ST6GAL1: variants seen among roughly 807,000 people sequenced by gnomAD.
ST6GAL1 encodes beta-galactoside alpha-2,6-sialyltransferase 1.
A neutral mutation model predicts 38.0 loss-of-function variants in ST6GAL1; 20 were observed. The observed-to-expected ratio is 0.53, with a 90% CI of 0.37 to 0.77. The LOEUF (loss-of-function observed/expected upper bound fraction) is 0.77. Ranked by LOEUF, ST6GAL1 falls within the 30% of genes least tolerant of loss-of-function variation. The pLI is 0.00. For missense variants in ST6GAL1, 432 were observed against 496.4 expected (o/e 0.87, Z 1.23); for synonymous variants, 196 against 188.2 (o/e 1.04, Z -0.34).
At chr3:187,009,247 T>G (rs1030527443) in intron 2 of ST6GAL1, among the ~76,000 whole-genome samples, 1 of 152,148 alleles carries the variant, frequency 6.6e-6, no homozygotes, top group East Asian at 1.9e-4. Context: ...ACTTTTAAGT[T>G]TTTAAATTAT....
intron 2 of ST6GAL1, among the ~76,000 whole-genome samples, chr3:187,019,754 G>T (rs1460310527): frequency 6.6e-6 from 1 of 152,232 alleles, no homozygotes; most frequent in African/African-American, 2.4e-5. Flanking sequence ...CCCTCTGGGG[G>T]CAACAGGGTG....
intron 1 of ST6GAL1, among the ~76,000 whole-genome samples, chr3:186,963,458 A>G (rs1338581058): frequency 6.6e-6 from 1 of 152,294 alleles, no homozygotes; most frequent in South Asian, 2.1e-4. Context: ...ATTGAAATCC[A>G]TTGTCCGCAG....
intron 2 of ST6GAL1, among the ~76,000 whole-genome samples, chr3:186,999,838 C>A (rs1485336261): frequency 6.7e-6 from 1 of 148,180 alleles, no homozygotes; most frequent in Non-Finnish European, 1.5e-5. Flanking sequence ...AGTAAAGATA[C>A]ACTTTTATTT....
intron 2 of ST6GAL1, among the ~76,000 whole-genome samples, chr3:187,038,140 G>A (rs371135898): frequency 6.0e-5 from 9 of 150,902 alleles, no homozygotes; most frequent in African/African-American, 2.2e-4. Context: ...TCCCAGGTTG[G>A]TCCATGGTGG....
At chr3:186,939,241 TTTTA>T (rs1234295576) in intron 1 of ST6GAL1, among the ~76,000 whole-genome samples, 1 of 151,746 alleles carries the variant, frequency 6.6e-6, no homozygotes, top group Non-Finnish European at 1.5e-5. Context: ...ACCCAGTTAA[TTTTA>T]TTTATTTTTT....
At chr3:186,990,727 C>T (rs1039344047) in intron 2 of ST6GAL1, among the ~76,000 whole-genome samples, 6 of 149,910 alleles carry the variant, frequency 4.0e-5, no homozygotes, top group South Asian at 4.2e-4. Flanking sequence ...GCAGGAGAAT[C>T]GCTTGAACCC....
intron 2 of ST6GAL1, among the ~76,000 whole-genome samples, chr3:186,994,304 T>C (rs1457206519): frequency 2.0e-5 from 3 of 152,208 alleles, no homozygotes; most frequent in Non-Finnish European, 2.9e-5. Flanking sequence ...AGCTTGTTGG[T>C]CCAGGTGTGA....
At position 187,074,291 on chromosome 3, in the gene ST6GAL1, C is replaced by T. The variant is rs147654981; in HGVS notation, c.937C>T (p.Pro313Ser). Residue 313 changes from proline (P) to serine (S), a missense_variant, in exon 7 of 8, where the codon CCA becomes TCA. Physicochemically the swap from Pro to Ser is moderately conservative, Grantham distance 74 (BLOSUM62 -1). Transcript: ENST00000169298. ...ELWDILQEISPEEIQPNPPSS... is the reference protein window; with the variant it reads ...ELWDILQEISSEEIQPNPPSS... Reference sequence around the variant, plus strand: ...ATGGGACATTCTTCAAGAAATCTCCCCAGAAGAGATTCAGCCAAACCCCCC... The same window carrying T: ...ATGGGACATTCTTCAAGAAATCTCCTCAGAAGAGATTCAGCCAAACCCCCC... The T allele has an allele frequency of 1.6e-5, 26 of 1,605,794 alleles. No homozygotes were observed. The highest frequency in any genetic ancestry group is 2.1e-5 in the Non-Finnish European group (25 of 1,176,386).
intron 2 of ST6GAL1, among the ~76,000 whole-genome samples, chr3:186,969,710 G>A (rs1005062187): frequency 2.6e-5 from 4 of 152,190 alleles, no homozygotes; most frequent in South Asian, 2.1e-4. Flanking sequence ...GAGGAAGAGC[G>A]GTGATCTCAG....
intron 2 of ST6GAL1, 155 bp from the exon 3 acceptor site, chr3:187,038,583 TTCTC>T (rs1283555781): frequency 6.6e-6 from 1 of 152,178 alleles, no homozygotes; most frequent in South Asian, 2.1e-4. Context: ...TAATAGGCTT[TTCTC>T]TCTCTCTTTT....
rs573490023 is a variant in ST6GAL1 at position 187,055,185 on chromosome 3, C to T, written c.705+3839C>T. Among the ~76,000 whole-genome samples, 7 of 150,848 alleles carry T rather than the reference C, an allele frequency of 4.6e-5. No homozygotes were observed. The East Asian group carries it at 1.4e-3, about 29-fold the overall frequency. On this transcript the variant is annotated intron_variant, in intron 5 of 7. Coordinates refer to ENST00000169298, the MANE Select transcript of ST6GAL1 (RefSeq NM_173216.2). ...TTTATTGCGTCTATTTGATTCTTCT[C>T]TCTTTTCTTCTTTATTAGTCTTGCT... is the stretch of plus-strand genomic sequence containing the variant.
intron 1 of ST6GAL1, among the ~76,000 whole-genome samples, chr3:186,960,376 C>T (rs1408581337): frequency 2.0e-5 from 3 of 152,062 alleles, no homozygotes; most frequent in Non-Finnish European, 4.4e-5. Context: ...AGAGAACAGG[C>T]CCTGAGGAGA....
At chr3:186,972,735 G>A (rs1433337745) in intron 2 of ST6GAL1, among the ~76,000 whole-genome samples, 1 of 152,072 alleles carries the variant, frequency 6.6e-6, no homozygotes, top group Non-Finnish European at 1.5e-5. Context: ...CTTCACTGAC[G>A]AACTGGGGTA....
At chr3:187,004,535 A>G (rs756990166) in intron 2 of ST6GAL1, among the ~76,000 whole-genome samples, 5 of 152,224 alleles carry the variant, frequency 3.3e-5, no homozygotes, top group Non-Finnish European at 7.3e-5. Context: ...TGTAGGAGGA[A>G]GGGAAGAAAA....
intron 1 of ST6GAL1, among the ~76,000 whole-genome samples, chr3:186,936,939 C>CAAAAAA (rs60914982): frequency 1.8e-3 from 158 of 87,810 alleles, no homozygotes; most frequent in East Asian, 9.4e-3. Flanking sequence ...AAGACTGTCT[C>CAAAAAA]AAAAAAAAAA....
chr3:187,024,531 G>A (rs1460413354), intron 2 of ST6GAL1, among the ~76,000 whole-genome samples: 1 of 149,030 alleles, frequency 6.7e-6, no homozygotes, highest in East Asian at 2.0e-4. Flanking sequence ...GAGTATATGT[G>A]TATATATTTT....
chr3:186,979,998 A>G (rs913298387), intron 2 of ST6GAL1, among the ~76,000 whole-genome samples: 1 of 152,194 alleles, frequency 6.6e-6, no homozygotes, highest in African/African-American at 2.4e-5. Context: ...CGTATACCCT[A>G]CAGGCAGATG....
intron 2 of ST6GAL1, among the ~76,000 whole-genome samples, chr3:186,966,580 G>A (rs868634327): frequency 1.1e-4 from 17 of 152,182 alleles, no homozygotes; most frequent in African/African-American, 2.4e-4. Flanking sequence ...ATTCCATCTC[G>A]GAAGCTCTGT....
intron 2 of ST6GAL1, among the ~76,000 whole-genome samples, chr3:186,974,142 G>T (rs1364041944): frequency 6.6e-6 from 1 of 152,156 alleles, no homozygotes; most frequent in Non-Finnish European, 1.5e-5. Context: ...CACTGGAGAG[G>T]CCAGTGTGGA....
Sources: gnomAD v4.1 joint callset for allele counts (sites outside exome capture counted in the v4.1 genomes callset) on GRCh38, gnomAD v4.1.1 for gene constraint, MANE v1.5 for transcripts, NCBI Gene and HGNC (gene_info 2026-07-23, HGNC 2026-07-21) for gene names.